CENPQ: variants seen among roughly 807,000 people sequenced by gnomAD.
The protein encoded by CENPQ is chromosome 6 open reading frame 139.
A neutral mutation model predicts 36.6 loss-of-function variants in CENPQ; 27 were observed. The ratio of observed to expected loss-of-function variants is 0.74; its 90% CI spans 0.54 to 1.02. CENPQ has a LOEUF of 1.02. CENPQ is among the 50% of genes least tolerant of loss of function. The pLI is 0.00. For missense variants in CENPQ, 306 were observed against 301.8 expected (o/e 1.01, Z -0.10); for synonymous variants, 101 against 101.7 (o/e 0.99, Z 0.04).
intron 5 of CENPQ, among the ~76,000 whole-genome samples, chr6:49,478,690 C>A (rs977744557): frequency 6.6e-6 from 1 of 151,998 alleles, no homozygotes; most frequent in East Asian, 1.9e-4. Context: ...CTATTCTTGG[C>A]GTGATTTTGT....
At chr6:49,484,176 T>C (rs1768524210) in intron 6 of CENPQ, among the ~76,000 whole-genome samples, 1 of 152,250 alleles carries the variant, frequency 6.6e-6, no homozygotes, top group Non-Finnish European at 1.5e-5. Flanking sequence ...GACACTGTTC[T>C]AAGCACTTTA....
chr6:49,471,018 G>A lies in CENPQ; in HGVS notation c.147G>A (p.Leu49=). The A allele has an allele frequency of 1.3e-6, 2 of 1,516,118 alleles. No homozygotes were observed. The highest frequency in any genetic ancestry group is 1.8e-6 in the Non-Finnish European group (2 of 1,123,880). The allele number at this position is 1,516,118 out of a possible 1,614,324, so 93.9% of individuals were successfully genotyped here. The part of the protein sequence containing the change: ...VKKNKNHLKD[L]SSEGQTKHTN... ...AAAATAAAAATCATCTGAAAGATCT[G>A]TCTTCTGAAGGTATTTCTTTTCTAT... The change falls in exon 3 of 9, where the codon CTG becomes CTA. Residue 49 remains leucine, a synonymous_variant. Coordinates refer to ENST00000335783, the MANE Select transcript of CENPQ (RefSeq NM_018132.4).
chr6:49,463,540 G>A (rs1767919452), intron 1 of CENPQ, 87 bp downstream of exon 1: 1 of 152,236 alleles, frequency 6.6e-6, no homozygotes, highest in African/African-American at 2.4e-5. Context: ...AGACTCCGCA[G>A]TTTGCATTTG....
chr6:49,492,380 T>A lies in CENPQ; in HGVS notation c.*105T>A, dbSNP rs533830395. On this transcript the variant is annotated 3_prime_UTR_variant, in exon 9 of 9. Coordinates refer to ENST00000335783, the MANE Select transcript of CENPQ (RefSeq NM_018132.4). ...ACAGAGGCTAAGGCTTCTGCAGGATTTATTATCTCCTGATATGCACTTTAA... is the reference window on the plus strand; with the variant it reads ...ACAGAGGCTAAGGCTTCTGCAGGATATATTATCTCCTGATATGCACTTTAA... 3.7e-5 allele frequency: 36 copies of A among 972,514 alleles called. 1 individual carries two copies. In the South Asian group the frequency reaches 6.4e-4, roughly 17 times the overall value. The allele number at this position is 972,514 out of a possible 1,614,324, so 60.2% of individuals were successfully genotyped here. A position where few individuals can be genotyped will look rare whatever the true frequency, so the allele number is the denominator to read the frequency against.
intron 5 of CENPQ, among the ~76,000 whole-genome samples, chr6:49,476,023 C>T (rs1768280443): frequency 6.6e-6 from 1 of 151,994 alleles, no homozygotes; most frequent in Non-Finnish European, 1.5e-5. Context: ...AGATTCAGTG[C>T]CATCCCCATC....
intron 1 of CENPQ, among the ~76,000 whole-genome samples, chr6:49,465,348 G>A (rs868539787): frequency 7.2e-5 from 11 of 152,124 alleles, no homozygotes; most frequent in African/African-American, 1.2e-4. Flanking sequence ...AAGAATAAGA[G>A]CCCTAGGATA....
intron 1 of CENPQ, among the ~76,000 whole-genome samples, chr6:49,463,744 C>T (rs1239607237): frequency 6.6e-6 from 1 of 152,160 alleles, no homozygotes; most frequent in Admixed American, 6.5e-5. Context: ...AAGTCAAGTG[C>T]AGCCTTGGAC....
chr6:49,483,110 G>A (rs1446882621), intron 6 of CENPQ, among the ~76,000 whole-genome samples: 1 of 152,058 alleles, frequency 6.6e-6, no homozygotes, highest in African/African-American at 2.4e-5. Context: ...GTTTTGACAG[G>A]GCACTGATTG....
intron 1 of CENPQ, among the ~76,000 whole-genome samples, chr6:49,465,627 T>G (rs1234878640): frequency 1.3e-5 from 2 of 152,260 alleles, no homozygotes; most frequent in African/African-American, 4.8e-5. Flanking sequence ...TGTACTTTCA[T>G]GTTATGCAGA....
chr6:49,492,318 C>T lies in CENPQ; in HGVS notation c.*43C>T, dbSNP rs766685297. On this transcript the variant is annotated 3_prime_UTR_variant, in exon 9 of 9. Transcript: ENST00000335783. ...GATTGTTCCATATTAATTTAATGTT[C>T]GTGAATTTGTAAAACTGTTAACCTA... 4.1e-5 allele frequency: 61 copies of T among 1,504,454 alleles called. No homozygotes were observed. The highest frequency in any genetic ancestry group is 4.8e-5 in the Non-Finnish European group (54 of 1,118,284). 93.2% of individuals were successfully genotyped at this position (1,504,454 alleles called of 1,614,324 possible).
intron 6 of CENPQ, among the ~76,000 whole-genome samples, chr6:49,488,118 A>G (rs1400591369): frequency 6.6e-6 from 1 of 152,210 alleles, no homozygotes; most frequent in Non-Finnish European, 1.5e-5. Context: ...GTTCATGTAC[A>G]TCTCCTTATT....
chr6:49,482,313 G>T (rs1422510992), intron 6 of CENPQ, among the ~76,000 whole-genome samples: 2 of 152,224 alleles, frequency 1.3e-5, no homozygotes, highest in South Asian at 4.1e-4. Flanking sequence ...TGCCACCAAA[G>T]TGGGAGCCCA....
At position 49,468,874 on chromosome 6, in the gene CENPQ, C is replaced by T. The variant is rs559365489; in HGVS notation, c.-18-1285C>T. ...AACTTGAACTATTGTACATGTCAGC[C>T]CTTCCAGGAGAGATCTACAAGTGAA... On this transcript the variant is annotated intron_variant, in intron 1 of 8. Coordinates refer to ENST00000335783, the MANE Select transcript of CENPQ (RefSeq NM_018132.4). Among the ~76,000 whole-genome samples the T allele has an allele frequency of 2.6e-3, 398 of 151,010 alleles. 2 individuals carry two copies. The highest frequency in any genetic ancestry group is 9.0e-3 in the African/African-American group (371 of 41,024).
At chr6:49,464,310 TA>T (rs1458658665) in intron 1 of CENPQ, among the ~76,000 whole-genome samples, 2 of 152,160 alleles carry the variant, frequency 1.3e-5, no homozygotes, top group Non-Finnish European at 2.9e-5. Flanking sequence ...ATTTTATTGC[TA>T]AAAAATGCTA....
At chr6:49,473,968 C>T (rs1348638411) in intron 5 of CENPQ, among the ~76,000 whole-genome samples, 1 of 152,178 alleles carries the variant, frequency 6.6e-6, no homozygotes, top group African/African-American at 2.4e-5. Flanking sequence ...GAAGAGCTAA[C>T]TATCCTAAAC....
At chr6:49,467,346 TATG>T (rs1768027536) in intron 1 of CENPQ, among the ~76,000 whole-genome samples, 1 of 152,188 alleles carries the variant, frequency 6.6e-6, no homozygotes, top group Non-Finnish European at 1.5e-5. Context: ...TTTTGGGTAA[TATG>T]ATGTGTCAAC....
intron 4 of CENPQ, among the ~76,000 whole-genome samples, chr6:49,472,568 C>T (rs1054456346): frequency 6.6e-6 from 1 of 152,056 alleles, no homozygotes; most frequent in Non-Finnish European, 1.5e-5. Flanking sequence ...TCAGAAGAGC[C>T]AGGCATGTAA....
At chr6:49,475,357 T>A (rs1244868498) in intron 5 of CENPQ, among the ~76,000 whole-genome samples, 1 of 152,226 alleles carries the variant, frequency 6.6e-6, no homozygotes, top group Non-Finnish European at 1.5e-5. Flanking sequence ...GAAAAGGCCT[T>A]TGACAAAATT....
chr6:49,475,901 A>G (rs1396794195), intron 5 of CENPQ, among the ~76,000 whole-genome samples: 2 of 152,166 alleles, frequency 1.3e-5, no homozygotes, highest in Non-Finnish European at 1.5e-5. Flanking sequence ...AGAACTACAA[A>G]CCACTGCTCA....
Sources: gnomAD v4.1 joint callset for allele counts (sites outside exome capture counted in the v4.1 genomes callset) on GRCh38, gnomAD v4.1.1 for gene constraint, MANE v1.5 for transcripts, NCBI Gene and HGNC (gene_info 2026-07-23, HGNC 2026-07-21) for gene names.